The following TMEM164 variants were observed in gnomAD, a reference collection of about 807,000 sequenced individuals.
The protein encoded by TMEM164 is RP13-360B22.2.
In TMEM164, 4 loss-of-function variants were observed where a neutral mutation model predicts 18.8. That is an observed-to-expected ratio of 0.21 (90% CI 0.10 to 0.49). The LOEUF (loss-of-function observed/expected upper bound fraction) is 0.49. Ranked by LOEUF, TMEM164 falls within the 20% of genes least tolerant of loss-of-function variation. The pLI, the probability that TMEM164 is intolerant of heterozygous loss-of-function variation, is 0.98. For synonymous variants in TMEM164, 86 were observed against 101.7 expected, an observed-to-expected ratio of 0.85 and a Z score of 0.93; for missense variants, 108 against 239.9, an observed-to-expected ratio of 0.45 and a Z score of 3.63.
chrX:110,035,776 A>AT (rs386417395), intron 2 of TMEM164, among the ~76,000 whole-genome samples: 2,460 of 94,091 alleles, frequency 0.026, 68 homozygotes, highest in African/African-American at 0.081. Flanking sequence ...ATGTGCTCCT[A>AT]TTTTTTTTTT....
At chrX:110,004,234 AGT>A (rs1435087379) in intron 2 of TMEM164, 70 bp downstream of exon 2, 17 of 1,094,083 alleles carry the variant, frequency 1.6e-5, no homozygotes, top group Non-Finnish European at 2.1e-5. Flanking sequence ...GACACTCCAT[AGT>A]GTACAGCACC....
intron 5 of TMEM164, among the ~76,000 whole-genome samples, chrX:110,152,245 G>A (rs377422285): frequency 1.5e-4 from 16 of 108,951 alleles, no homozygotes; most frequent in East Asian, 5.8e-4. Context: ...TAGTAGAGAC[G>A]GGGTTTCACC....
chrX:110,157,711 A>G (rs998862624), intron 5 of TMEM164, among the ~76,000 whole-genome samples: 2 of 112,293 alleles, frequency 1.8e-5, no homozygotes, highest in Admixed American at 9.4e-5. Context: ...ACACTGTCCA[A>G]TAGAATTCTC....
At chrX:110,173,042 G>A (rs1429052946) in intron 6 of TMEM164, among the ~76,000 whole-genome samples, 3 of 111,833 alleles carry the variant, frequency 2.7e-5, no homozygotes, top group African/African-American at 6.5e-5. Flanking sequence ...TCCACTAGAC[G>A]GCCCTCCGCC....
At chrX:110,070,754 T>A (rs185996568) in intron 3 of TMEM164, among the ~76,000 whole-genome samples, 37 of 110,687 alleles carry the variant, frequency 3.3e-4, no homozygotes, top group African/African-American at 1.1e-3. Context: ...ATAAAAAGAA[T>A]AGAAAAAGAA....
At chrX:110,114,909 G>A (rs746976869) in intron 4 of TMEM164, among the ~76,000 whole-genome samples, 1 of 111,936 alleles carries the variant, frequency 8.9e-6, no homozygotes. Flanking sequence ...ATATATCCAT[G>A]TTGATCTATT....
chrX:110,066,289 G>A lies in TMEM164; in HGVS notation c.391-1058G>A, dbSNP rs1936340468. ...TAATGCAGATATCCTATATTAATAA[G>A]AGCTCTCAACAATATAGGGACACAT... is the stretch of plus-strand genomic sequence containing the variant. On this transcript the variant is annotated intron_variant, in intron 2 of 6. Transcript: ENST00000372068. Among the ~76,000 whole-genome samples the A allele has an allele frequency of 2.7e-5, 3 of 111,492 alleles. No individual in the cohort carries two copies. The South Asian group carries it at 1.1e-3, about 42-fold the overall frequency.
At chrX:110,081,459 G>T (rs1257744579) in intron 3 of TMEM164, among the ~76,000 whole-genome samples, 3 of 111,380 alleles carry the variant, frequency 2.7e-5, no homozygotes, top group Non-Finnish European at 3.8e-5. Context: ...AGTAGTACTG[G>T]TACTATTAAT....
rs553237284 is a variant in TMEM164, at chrX:110,102,935, C to G, written c.441-6145C>G. On this transcript the variant is annotated intron_variant, in intron 3 of 6. Transcript: ENST00000372068. The stretch of plus-strand genomic sequence containing the variant: ...ACTGTGTCCTACTTATACTTATCTT[C>G]TTTTCCCTACAATACCTGCAACAAT... Among the ~76,000 whole-genome samples, 4 of 112,340 alleles carry G rather than the reference C, an allele frequency of 3.6e-5. No individual in the cohort carries two copies. The South Asian group carries it at 1.5e-3, about 41-fold the overall frequency.
chrX:110,116,555 G>A (rs772869382), intron 4 of TMEM164, among the ~76,000 whole-genome samples: 3 of 111,597 alleles, frequency 2.7e-5, no homozygotes, highest in East Asian at 5.6e-4. Flanking sequence ...TGGGAGTCAG[G>A]GATTCCAGTT....
intron 2 of TMEM164, among the ~76,000 whole-genome samples, chrX:110,031,041 G>C (rs1380303241): frequency 9.0e-6 from 1 of 110,673 alleles, no homozygotes; most frequent in African/African-American, 3.3e-5. Flanking sequence ...TTCTCCTAAT[G>C]TTATCCCTCC....
intron 2 of TMEM164, among the ~76,000 whole-genome samples, chrX:110,055,100 C>G (rs1426186041): frequency 9.0e-6 from 1 of 111,676 alleles, no homozygotes; most frequent in Admixed American, 9.5e-5. Context: ...CCTGTTCTCT[C>G]TCCACTGCTG....
At chrX:110,152,300 C>T (rs747749082) in intron 5 of TMEM164, among the ~76,000 whole-genome samples, 1 of 110,265 alleles carries the variant, frequency 9.1e-6, no homozygotes, top group Admixed American at 9.7e-5. Flanking sequence ...GTGATCTGCC[C>T]ACTTCGGCCT....
At position 110,082,156 on chromosome X, in the gene TMEM164, T is replaced by C. The variant is rs948696789; in HGVS notation, c.440+14760T>C. 3 of 113,413 alleles carry C rather than the reference T, an allele frequency of 2.6e-5. No individual in the cohort carries two copies. In the Admixed American group the frequency reaches 2.9e-4, roughly 11 times the overall value. 9.3% of individuals were successfully genotyped at this position (113,413 alleles called of 1,213,427 possible). ...TGCATCCAGGGTGTGGAGCCAAAAT[T>C]AGAAGGGCCAAAATTCTACCTGGCC... On this transcript the variant is annotated intron_variant, in intron 3 of 6. Transcript: ENST00000372068.
chrX:110,095,212 T>C (rs2065996325), intron 3 of TMEM164, among the ~76,000 whole-genome samples: 1 of 111,699 alleles, frequency 9.0e-6, no homozygotes, highest in Non-Finnish European at 1.9e-5. Flanking sequence ...TTTCCTGAAT[T>C]TGAATGTTGG....
At chrX:110,057,256 T>A in intron 2 of TMEM164, among the ~76,000 whole-genome samples, 1 of 112,079 alleles carries the variant, frequency 8.9e-6, no homozygotes, top group Non-Finnish European at 1.9e-5. Flanking sequence ...ATTTCATATT[T>A]ATGTGACATC....
intron 3 of TMEM164, among the ~76,000 whole-genome samples, chrX:110,082,735 A>G (rs1276246787): frequency 9.1e-6 from 1 of 109,988 alleles, no homozygotes; most frequent in Non-Finnish European, 1.9e-5. Flanking sequence ...AGTTCCCCCA[A>G]CACATCTCAC....
intron 3 of TMEM164, among the ~76,000 whole-genome samples, chrX:110,105,905 G>T (rs1028640315): frequency 9.0e-6 from 1 of 111,540 alleles, no homozygotes; most frequent in African/African-American, 3.3e-5. Flanking sequence ...CTTATTGTCT[G>T]TTTGATCTTG....
intron 3 of TMEM164, among the ~76,000 whole-genome samples, chrX:110,100,486 A>C (rs958579231): frequency 1.8e-5 from 2 of 111,746 alleles, no homozygotes; most frequent in African/African-American, 6.5e-5. Context: ...TCTTTTCAGC[A>C]CTGATTTGGT....
Sources: gnomAD v4.1 joint callset for allele counts (sites outside exome capture counted in the v4.1 genomes callset) on GRCh38, gnomAD v4.1.1 for gene constraint, MANE v1.5 for transcripts, NCBI Gene and HGNC (gene_info 2026-07-23, HGNC 2026-07-21) for gene names.